The following AOPEP variants were observed in gnomAD, a reference collection of about 807,000 sequenced individuals.
The protein encoded by AOPEP is aminopeptidase O.
A neutral mutation model predicts 98.1 loss-of-function variants in AOPEP; 77 were observed. The ratio of observed to expected loss-of-function variants is 0.78; its 90% CI spans 0.65 to 0.95. The LOEUF (loss-of-function observed/expected upper bound fraction) is 0.95. AOPEP is among the 40% of genes least tolerant of loss of function. AOPEP has a pLI of 0.00. For missense variants in AOPEP, 1,024 were observed against 1,024.7 expected (o/e 1.00, Z 0.01); for synonymous variants, 346 against 365.3 (o/e 0.95, Z 0.60).
chr9:95,135,463 G>A, the AOPEP span: 2 of 1,613,964 alleles, frequency 1.2e-6, no homozygotes, highest in Admixed American at 1.7e-5. Flanking sequence ...GCCGAAGCCA[G>A]AGGCAGACTA....
At chr9:95,129,799 T>C in the AOPEP span, among the ~76,000 whole-genome samples, 1 of 152,146 alleles carries the variant, frequency 6.6e-6, no homozygotes, top group Non-Finnish European at 1.5e-5. Flanking sequence ...GGCTTTTCAC[T>C]GAATGCCCAG....
At chr9:95,054,346 A>G (rs2066641584) in intron 13 of AOPEP, among the ~76,000 whole-genome samples, 1 of 152,198 alleles carries the variant, frequency 6.6e-6, no homozygotes, top group Non-Finnish European at 1.5e-5. Context: ...GAAATTTTCA[A>G]TTTGAGTGTT....
intron 10 of AOPEP, 99 bp downstream of exon 10, chr9:94,967,900 C>A: frequency 9.8e-7 from 1 of 1,015,672 alleles, no homozygotes; most frequent in Non-Finnish European, 1.6e-6. Flanking sequence ...AAAGCTCAGT[C>A]TTTCTGTCTA....
chr9:95,043,971 TC>T (rs2065594700), intron 13 of AOPEP, among the ~76,000 whole-genome samples: 1 of 152,216 alleles, frequency 6.6e-6, no homozygotes, highest in African/African-American at 2.4e-5. Flanking sequence ...GGCTTGACCT[TC>T]CTGTGTTCTC....
intron 11 of AOPEP, among the ~76,000 whole-genome samples, chr9:94,994,936 G>A (rs1360011644): frequency 6.6e-6 from 1 of 152,162 alleles, no homozygotes; most frequent in Non-Finnish European, 1.5e-5. Flanking sequence ...GGGCAACAGA[G>A]TGAAACTCCA....
intron 15 of AOPEP, 75 bp from the exon 16 acceptor site, chr9:95,082,500 A>T (rs1485708870): frequency 1.3e-6 from 2 of 1,518,564 alleles, no homozygotes; most frequent in African/African-American, 2.7e-5. Flanking sequence ...GAACAAGCAC[A>T]GACTGAGCTC....
At chr9:94,901,465 A>G (rs549975009) in intron 5 of AOPEP, among the ~76,000 whole-genome samples, 2 of 152,004 alleles carry the variant, frequency 1.3e-5, no homozygotes, top group East Asian at 1.9e-4. Flanking sequence ...TTTATCTAGT[A>G]TTTGTTAAAT....
rs116349933 is a variant in AOPEP at position 94,754,842 on chromosome 9, G to A, written c.-135-4807G>A. Among the ~76,000 whole-genome samples the A allele has an allele frequency of 5.5e-3, 840 of 152,300 alleles. 9 individuals carry two copies. The highest frequency in any genetic ancestry group is 0.019 in the African/African-American group (782 of 41,560). On this transcript the variant is annotated intron_variant, in intron 1 of 16. Coordinates refer to ENST00000375315, the MANE Select transcript of AOPEP (RefSeq NM_001193329.3). ...TTGAAAGGAGAATGAAATTGTTTTC[G>A]TTGGGGTGATTGGGGATGGCGTTAC...
In AOPEP at chr9:94,980,781, C is replaced by T. The variant is rs1442003873; in HGVS notation, c.1977+1354C>T. Among the ~76,000 whole-genome samples the T allele has an allele frequency of 6.6e-6, 1 of 152,208 alleles. No individual in the cohort carries two copies. The highest frequency in any genetic ancestry group is 1.5e-5 in the Non-Finnish European group (1 of 68,036). ...CACTCACGTGTGTGACAATGAGGGC[C>T]CGTGAGCTCTGAGACGGTGACTTCC... is the stretch of plus-strand genomic sequence containing the variant. On this transcript the variant is annotated intron_variant, in intron 11 of 16. Coordinates refer to ENST00000375315, the MANE Select transcript of AOPEP (RefSeq NM_001193329.3). The surrounding 1 kb of genome is among the most constrained non-coding windows in gnomAD (Gnocchi z 4.3).
chr9:95,105,149 T>C, the AOPEP span, among the ~76,000 whole-genome samples: 1 of 152,214 alleles, frequency 6.6e-6, no homozygotes, highest in Non-Finnish European at 1.5e-5. Flanking sequence ...GGATTCGTCT[T>C]AGCTGAGACA....
intron 5 of AOPEP, among the ~76,000 whole-genome samples, chr9:94,862,380 G>A (rs1021097262): frequency 1.3e-4 from 1 of 7,970 alleles, no homozygotes; most frequent in Non-Finnish European, 3.6e-3. Flanking sequence ...TCTCAGATGT[G>A]GGGTGAATGG....
chr9:94,922,131 C>T (rs2053705808), intron 5 of AOPEP, among the ~76,000 whole-genome samples: 1 of 152,232 alleles, frequency 6.6e-6, no homozygotes. Flanking sequence ...ACCCTCCCCA[C>T]AGCTGCTTTT....
intron 13 of AOPEP, among the ~76,000 whole-genome samples, chr9:95,030,097 T>C (rs1310717832): frequency 6.6e-6 from 1 of 152,216 alleles, no homozygotes; most frequent in Non-Finnish European, 1.5e-5. Flanking sequence ...ATAAGAAATT[T>C]AACTTTTTTT....
chr9:95,043,802 C>A (rs1296612260), intron 13 of AOPEP, among the ~76,000 whole-genome samples: 1 of 152,178 alleles, frequency 6.6e-6, no homozygotes, highest in African/African-American at 2.4e-5. Context: ...GTAGCTGGGA[C>A]TACAGGCGCA....
chr9:94,759,780 C>G lies in AOPEP; in HGVS notation c.-4C>G. 6.2e-7 allele frequency: 1 copy of G among 1,610,770 alleles called. No homozygotes were observed. Among genetic ancestry groups the G allele is most frequent in the Non-Finnish European group, 8.5e-7 (1 of 1,178,364 alleles). ...AATAAATCCCTCAAACAATAAACCA[C>G]ATCATGGACATACAGCTGGACCCTG... On this transcript the variant is annotated 5_prime_UTR_variant, in exon 2 of 17. Coordinates refer to ENST00000375315, the MANE Select transcript of AOPEP (RefSeq NM_001193329.3).
intron 5 of AOPEP, among the ~76,000 whole-genome samples, chr9:94,899,582 A>C (rs935358770): frequency 2.6e-5 from 4 of 151,600 alleles, no homozygotes; most frequent in Non-Finnish European, 4.4e-5. Flanking sequence ...AGACCCCATC[A>C]CTACAAAAAA....
At chr9:94,875,347 G>GAAAAAAAAAAAAA (rs71366265) in intron 5 of AOPEP, among the ~76,000 whole-genome samples, 6 of 71,524 alleles carry the variant, frequency 8.4e-5, no homozygotes, top group African/African-American at 1.6e-4. Flanking sequence ...AATTGAGCAA[G>GAAAAAAAAAAAAA]AAAAAAAAAA....
At chr9:95,085,239 A>G (rs2070479949) in intron 16 of AOPEP, 1 of 495,890 alleles carries the variant, frequency 2.0e-6, no homozygotes. Flanking sequence ...GGTTCCTGGC[A>G]TGCTGATTTG....
chr9:94,853,802 G>T (rs921829878), intron 5 of AOPEP, among the ~76,000 whole-genome samples: 2 of 152,172 alleles, frequency 1.3e-5, no homozygotes, highest in Non-Finnish European at 2.9e-5. Context: ...TTAATGTGCA[G>T]AGAAAGCAGA....
Sources: gnomAD v4.1 joint callset for allele counts (sites outside exome capture counted in the v4.1 genomes callset) on GRCh38, gnomAD v4.1.1 for gene constraint, Gnocchi (gnomAD v3.1) non-coding constraint, MANE v1.5 for transcripts, NCBI Gene and HGNC (gene_info 2026-07-23, HGNC 2026-07-21) for gene names.